Variants in CSMD3 observed in about 807,000 individuals in gnomAD.
The protein encoded by CSMD3 is CUB and Sushi multiple domains 3.
Under a neutral mutation model 435.2 loss-of-function variants are expected in CSMD3, and 177 were observed. The ratio of observed to expected loss-of-function variants is 0.41; its 90% CI spans 0.36 to 0.46. The LOEUF (loss-of-function observed/expected upper bound fraction) is 0.46, where lower values mean the gene tolerates loss of function less well. Ranked by LOEUF, CSMD3 falls within the 20% of genes least tolerant of loss-of-function variation. CSMD3 has a pLI of 0.34. For synonymous variants in CSMD3, 1,656 were observed against 1,520.5 expected (o/e 1.09, Z -2.07); for missense variants, 4,265 against 4,504.6 (o/e 0.95, Z 1.52).
At chr8:112,423,302 A>G (rs1812716667) in intron 32 of CSMD3, among the ~76,000 whole-genome samples, 4 of 152,312 alleles carry the variant, frequency 2.6e-5, no homozygotes, top group Middle Eastern at 3.4e-3. Context: ...CACTGTTGTC[A>G]TCTTCATCAC....
intron 6 of CSMD3, among the ~76,000 whole-genome samples, chr8:113,010,684 T>G (rs1162110490): frequency 6.6e-6 from 1 of 151,732 alleles, no homozygotes; most frequent in African/African-American, 2.4e-5. Context: ...TCTTTGACTT[T>G]ATAAGTACTC....
At chr8:112,617,328 T>C (rs2131498525) in intron 22 of CSMD3, among the ~76,000 whole-genome samples, 1 of 152,326 alleles carries the variant, frequency 6.6e-6, no homozygotes, top group Middle Eastern at 3.4e-3. Context: ...TGGCAATCTG[T>C]GGTGTAAAAC....
intron 13 of CSMD3, among the ~76,000 whole-genome samples, chr8:112,753,742 A>G (rs1272847860): frequency 6.6e-6 from 1 of 152,236 alleles, no homozygotes; most frequent in East Asian, 1.9e-4. Flanking sequence ...TACAAGTTCC[A>G]CACATTGTCA....
chr8:112,613,086 T>C (rs1833391837), intron 22 of CSMD3, among the ~76,000 whole-genome samples: 1 of 152,054 alleles, frequency 6.6e-6, no homozygotes, highest in Admixed American at 6.6e-5. Context: ...AGTCTAACCT[T>C]TAAAGGAAAG....
chr8:113,140,224 C>CA (rs1472117463), intron 4 of CSMD3, among the ~76,000 whole-genome samples: 1 of 149,734 alleles, frequency 6.7e-6, no homozygotes, highest in African/African-American at 2.4e-5. Context: ...GTGTATGCAC[C>CA]AAAAAACAAT....
At chr8:112,471,211 T>C (rs1479695177) in intron 32 of CSMD3, among the ~76,000 whole-genome samples, 5 of 152,142 alleles carry the variant, frequency 3.3e-5, no homozygotes, top group Non-Finnish European at 7.4e-5. Flanking sequence ...CAGAGTATAA[T>C]ACGATAAATT....
chr8:112,722,055 G>GA (rs200039574), intron 13 of CSMD3, among the ~76,000 whole-genome samples: 77 of 150,200 alleles, frequency 5.1e-4, no homozygotes, highest in African/African-American at 6.8e-4. Context: ...CCCATTATAT[G>GA]AAAAAAAAAT....
chr8:112,423,524 A>C (rs1468064328), intron 32 of CSMD3, among the ~76,000 whole-genome samples: 1 of 152,118 alleles, frequency 6.6e-6, no homozygotes, highest in Non-Finnish European at 1.5e-5. Flanking sequence ...ATCCTGGCTC[A>C]CTGCAGCCTT....
intron 35 of CSMD3, among the ~76,000 whole-genome samples, chr8:112,394,153 A>G (rs1352814398): frequency 1.3e-5 from 2 of 152,196 alleles, no homozygotes; most frequent in Non-Finnish European, 1.5e-5. Context: ...TTCTTAGGCC[A>G]TAAACCTAAG....
At chr8:112,247,232 A>G in intron 63 of CSMD3, 101 bp from the exon 64 acceptor site, 1 of 738,680 alleles carries the variant, frequency 1.4e-6, no homozygotes, top group East Asian at 2.6e-5. Context: ...GAAATTCCGT[A>G]TGGTAAAGTT....
At chr8:113,436,535 G>A (rs978355145) in intron 1 of CSMD3, 142 bp downstream of exon 1, 2 of 834,310 alleles carry the variant, frequency 2.4e-6, no homozygotes, top group Non-Finnish European at 4.1e-6. Context: ...CTGAGGGGGG[G>A]AGAACGAGCT....
At chr8:113,411,315 T>C (rs2094559003) in intron 1 of CSMD3, among the ~76,000 whole-genome samples, 2 of 152,190 alleles carry the variant, frequency 1.3e-5, no homozygotes, top group African/African-American at 4.8e-5. Context: ...AAGGCCAATG[T>C]AACTTTAGTT....
chr8:112,579,910 T>C (rs1830219505), intron 23 of CSMD3, among the ~76,000 whole-genome samples: 1 of 152,174 alleles, frequency 6.6e-6, no homozygotes, highest in East Asian at 1.9e-4. Flanking sequence ...TAATCATCCA[T>C]AGTCTACATT....
At chr8:112,651,136 T>C (rs2075116703) in intron 18 of CSMD3, among the ~76,000 whole-genome samples, 2 of 152,212 alleles carry the variant, frequency 1.3e-5, no homozygotes, top group Non-Finnish European at 2.9e-5. Flanking sequence ...ATGCCCTCAG[T>C]TGAGAACCAC....
intron 10 of CSMD3, among the ~76,000 whole-genome samples, chr8:112,862,389 T>C (rs951301307): frequency 2.0e-5 from 3 of 152,034 alleles, no homozygotes; most frequent in Admixed American, 6.6e-5. Flanking sequence ...ATAGGTTTTT[T>C]TCTTTTGCAG....
At chr8:112,333,684 ACACACACAC>A (rs1176823717) in intron 45 of CSMD3, among the ~76,000 whole-genome samples, 11 of 151,998 alleles carry the variant, frequency 7.2e-5, no homozygotes, top group Non-Finnish European at 1.5e-5. Flanking sequence ...ACACACACAC[ACACACACAC>A]AACACTGACA....
At chr8:113,334,295 T>C (rs2094052634) in intron 1 of CSMD3, among the ~76,000 whole-genome samples, 1 of 129,984 alleles carries the variant, frequency 7.7e-6, no homozygotes, top group African/African-American at 2.8e-5. Context: ...TTTTTTTTTT[T>C]CATTTCCAGC....
intron 23 of CSMD3, 112 bp from the exon 24 acceptor site, chr8:112,573,769 T>C: frequency 2.4e-6 from 2 of 842,118 alleles, no homozygotes; most frequent in Non-Finnish European, 3.7e-6. Context: ...ATCAGATCAG[T>C]ACATTTCCAA....
chr8:112,918,536 A>G (rs181175080), intron 10 of CSMD3, among the ~76,000 whole-genome samples: 272 of 151,984 alleles, frequency 1.8e-3, no homozygotes, highest in African/African-American at 6.1e-3. Context: ...TTTAAGTATC[A>G]GGAAGGTCTA....
Sources: allele counts gnomAD v4.1 joint callset (sites outside exome capture counted in the v4.1 genomes callset), GRCh38; gene constraint gnomAD v4.1.1; transcripts MANE v1.5; gene names NCBI Gene and HGNC (gene_info 2026-07-23, HGNC 2026-07-21).